The following CHRM1 variants were observed in gnomAD, a reference collection of about 807,000 sequenced individuals.
CHRM1 encodes cholinergic receptor muscarinic 1, also known as muscarinic acetylcholine receptor M1.
In CHRM1, 5 loss-of-function variants were observed where a neutral mutation model predicts 31.6. The ratio of observed to expected loss-of-function variants is 0.16; its 90% confidence interval spans 0.08 to 0.33. CHRM1 has a LOEUF of 0.33. CHRM1 is among the 10% of genes least tolerant of loss of function. The pLI, the probability that CHRM1 is intolerant of heterozygous loss-of-function variation, is 1.00. For missense variants in CHRM1, 338 were observed against 610.3 expected, an observed-to-expected ratio of 0.55 and a Z score of 4.70; for synonymous variants, 227 against 249.7, an observed-to-expected ratio of 0.91 and a Z score of 0.86.
chr11:62,921,371 C>G (rs1400664516), upstream of CHRM1: 1 of 152,234 alleles, frequency 6.6e-6, no homozygotes, highest in Non-Finnish European at 1.5e-5. Context: ...CATGTCCCAC[C>G]CCCTGGCACG....
Position 62,909,674 on chromosome 11 carries a change from C to G in CHRM1, c.*44G>C. 1 of 1,592,612 alleles carries G rather than the reference C, an allele frequency of 6.3e-7. No homozygotes were observed. Among genetic ancestry groups the G allele is most frequent in the Non-Finnish European group, 8.6e-7 (1 of 1,168,748 alleles). ...GCAGCCCCTGCCCTCTTCCCACCGG[C>G]CTTTCCCGGGGACTGGGGTGGAGGG... On this transcript the variant is annotated 3_prime_UTR_variant, in exon 2 of 2. Transcript: ENST00000306960.
chr11:62,917,967 T>C (rs2085909449), intron 1 of CHRM1: 1 of 152,160 alleles, frequency 6.6e-6, no homozygotes, highest in South Asian at 2.1e-4. Context: ...ACCTGAGGCT[T>C]CAAGACCTGA....
In CHRM1 at chr11:62,910,264, T is replaced by C. The variant is rs2135039739; in HGVS notation, c.837A>G (p.Glu279=). ...LQAYSWKEEE[E]EDEGSMESLT... is the part of the protein sequence containing the mutation. ...GGGACTCCATGGAGCCTTCGTCCTC[T>C]TCCTCTTCTTCCTTCCAGCTGTAGG... The change falls in exon 2 of 2, where the codon GAA becomes GAG. Residue 279 remains glutamate, a synonymous_variant. Coordinates refer to ENST00000306960, the MANE Select transcript of CHRM1 (RefSeq NM_000738.3). The surrounding 1 kb of genome is among the most constrained non-coding windows in gnomAD (Gnocchi z 8.7). 1.9e-6 allele frequency: 3 copies of C among 1,613,520 alleles called. No individual in the cohort carries two copies. Among genetic ancestry groups the C allele is most frequent in the Non-Finnish European group, 2.5e-6 (3 of 1,179,992 alleles).
Position 62,911,162 on chromosome 11 carries a change from C to A in CHRM1, c.-62G>T. On this transcript the variant is annotated 5_prime_UTR_variant, in exon 2 of 2. It removes the in-frame stop codon of an upstream open reading frame in the 5' UTR. Coordinates refer to ENST00000306960, the MANE Select transcript of CHRM1 (RefSeq NM_000738.3). ...CTCCAGGCACGCTACAGGGCTTCCT[C>A]AGGGGAAAGTCATCACCTGAAAAGA... 6.6e-7 allele frequency: 1 copy of A among 1,510,008 alleles called. No homozygotes were observed. Among genetic ancestry groups the A allele is most frequent in the Non-Finnish European group, 9.0e-7 (1 of 1,108,940 alleles). The allele number at this position is 1,510,008 out of a possible 1,614,324, so 93.5% of individuals were successfully genotyped here. A position where few individuals can be genotyped will look rare whatever the true frequency, so the allele number is the denominator to read the frequency against.
chr11:62,919,119 C>G (rs1230988886), intron 1 of CHRM1, among the ~76,000 whole-genome samples: 1 of 152,094 alleles, frequency 6.6e-6, no homozygotes, highest in East Asian at 1.9e-4. Context: ...TCACTGATCC[C>G]TTCTGCTAGG....
chr11:62,918,862 C>T (rs1351601318), intron 1 of CHRM1, among the ~76,000 whole-genome samples: 1 of 152,076 alleles, frequency 6.6e-6, no homozygotes, highest in African/African-American at 2.4e-5. Context: ...GAACACCAGG[C>T]TTTTCTGAAC....
At chr11:62,911,898 G>C (rs2085872895) in intron 1 of CHRM1, among the ~76,000 whole-genome samples, 1 of 152,226 alleles carries the variant, frequency 6.6e-6, no homozygotes, top group Non-Finnish European at 1.5e-5. Context: ...TAAACAGAGA[G>C]AGATGGGAAC....
rs760859058 is a variant in CHRM1, at chr11:62,910,311, G to GGCAGCAGCGACA, written c.778_789dup (p.Cys260_Cys263dup). ...TAGGCCTGCAGCAGCCTGGGGGCCC[G>GGCAGCAGCGACA]GCAGCAGCGACAGCAGCGGCCTGGA... is the stretch of plus-strand genomic sequence containing the variant. On this transcript the variant is annotated inframe_insertion, in exon 2 of 2. Coordinates refer to ENST00000306960, the MANE Select transcript of CHRM1 (RefSeq NM_000738.3). The surrounding 1 kb of genome is among the most constrained non-coding windows in gnomAD (Gnocchi z 8.7). The GGCAGCAGCGACA allele has an allele frequency of 1.2e-5, 20 of 1,611,194 alleles. No homozygotes were observed. In the East Asian group the frequency reaches 4.0e-4, roughly 32 times the overall value.
At chr11:62,916,604 C>T (rs1403431882) in intron 1 of CHRM1, among the ~76,000 whole-genome samples, 1 of 152,222 alleles carries the variant, frequency 6.6e-6, no homozygotes, top group African/African-American at 2.4e-5. Flanking sequence ...TGCTAACCAC[C>T]ATAATTAATG....
chr11:62,920,885 G>A (rs562989507), intron 1 of CHRM1: 1 of 152,108 alleles, frequency 6.6e-6, no homozygotes, highest in Non-Finnish European at 1.5e-5. Context: ...CTGCCCCTAG[G>A]GTGTTGGGGG....
At position 62,909,991 on chromosome 11, in the gene CHRM1, G is replaced by A. The variant is rs2085859567; in HGVS notation, c.1110C>T (p.Ile370=). 6.2e-7 allele frequency: 1 copy of A among 1,614,028 alleles called. No homozygotes were observed. Residue 370 remains isoleucine, a synonymous_variant, in exon 2 of 2, where the codon ATC becomes ATT. Coordinates refer to ENST00000306960, the MANE Select transcript of CHRM1 (RefSeq NM_000738.3). ...EKKAARTLSA[I]LLAFILTWTP... Reference sequence around the variant, plus strand: ...TCCAGGTGAGGATGAAGGCCAGGAGGATGGCACTCAGGGTCCGAGCCGCCT... The same window carrying A: ...TCCAGGTGAGGATGAAGGCCAGGAGAATGGCACTCAGGGTCCGAGCCGCCT...
intron 1 of CHRM1, among the ~76,000 whole-genome samples, chr11:62,912,367 C>CAAA (rs571661164): frequency 3.0e-5 from 2 of 67,250 alleles, no homozygotes; most frequent in East Asian, 3.8e-4. Flanking sequence ...GACTCCATCT[C>CAAA]AAAAAAAAAA....
intron 1 of CHRM1, among the ~76,000 whole-genome samples, chr11:62,912,681 A>T (rs2085878227): frequency 6.6e-6 from 1 of 152,142 alleles, no homozygotes; most frequent in African/African-American, 2.4e-5. Context: ...GTGAAGCCAG[A>T]TGGAAGGGTA....
chr11:62,916,667 C>A (rs1040772396), intron 1 of CHRM1, among the ~76,000 whole-genome samples: 2 of 152,220 alleles, frequency 1.3e-5, no homozygotes, highest in Non-Finnish European at 2.9e-5. Context: ...TCACAGGACA[C>A]CTCAGTGGAC....
rs2085866439 is a variant in CHRM1 at position 62,910,716 on chromosome 11, G to T, written c.385C>A (p.Arg129=). The change falls in exon 2 of 2, where the codon CGG becomes AGG. Residue 129 remains arginine (R), a synonymous_variant. Coordinates refer to ENST00000306960, the MANE Select transcript of CHRM1 (RefSeq NM_000738.3). The surrounding 1 kb of genome is among the most constrained non-coding windows in gnomAD (Gnocchi z 8.7). ...ISFDRYFSVT[R]PLSYRAKRTP... is the part of the protein sequence containing the mutation. ...CGCTTGGCACGGTAGCTCAGGGGCC[G>T]AGTCACGGAGAAGTAGCGGTCAAAG... 2.5e-6 allele frequency: 4 copies of T among 1,614,160 alleles called. No homozygotes were observed. In the East Asian group the frequency reaches 8.9e-5, roughly 36 times the overall value.
At position 62,916,707 on chromosome 11, in the gene CHRM1, T is replaced by C. The variant is rs564831714; in HGVS notation, c.-79+4511A>G. ...CATGGGGGGCTCTATCTTTATATTA[T>C]AGGTAAGGGCATTGAGGCTCAGGGT... On this transcript the variant is annotated intron_variant, in intron 1 of 1. Coordinates refer to ENST00000306960, the MANE Select transcript of CHRM1 (RefSeq NM_000738.3). Among the ~76,000 whole-genome samples the C allele has an allele frequency of 3.9e-5, 6 of 152,332 alleles. No individual in the cohort carries two copies. The South Asian group carries it at 1.0e-3, about 26-fold the overall frequency.
intron 1 of CHRM1, among the ~76,000 whole-genome samples, chr11:62,917,162 G>T (rs759544116): frequency 6.6e-6 from 1 of 152,216 alleles, no homozygotes; most frequent in African/African-American, 2.4e-5. Flanking sequence ...CCTGTCCAAG[G>T]TTCCTGTGGG....
At position 62,910,993 on chromosome 11, in the gene CHRM1, C is replaced by T. The variant is rs542128793; in HGVS notation, c.108G>A (p.Ser36=). ...AFIGITTGLL[S]LATVTGNLLV... Reference sequence around the variant, plus strand: ...GCAGGTTGCCTGTCACTGTGGCTAGCGACAGGAGGCCCGTGGTGATCCCAA... The same window carrying T: ...GCAGGTTGCCTGTCACTGTGGCTAGTGACAGGAGGCCCGTGGTGATCCCAA... The change falls in exon 2 of 2, where the codon TCG becomes TCA. Residue 36 remains serine (S), a synonymous_variant. Transcript: ENST00000306960. This position sits in a 1 kb window ranked among gnomAD's most constrained non-coding sequence, Gnocchi z 8.7. 1.4e-5 allele frequency: 22 copies of T among 1,614,132 alleles called. No homozygotes were observed. In the African/African-American group the frequency reaches 1.9e-4, roughly 14 times the overall value.
At position 62,909,457 on chromosome 11, in the gene CHRM1, C is replaced by A. The variant is rs939876253; in HGVS notation, c.*261G>T. ...GAGTCCAAAGCCCGGATCCTCCTCC[C>A]GGGCCTTCTTCCTGGTGAAGAGCGC... On this transcript the variant is annotated 3_prime_UTR_variant, in exon 2 of 2. Coordinates refer to ENST00000306960, the MANE Select transcript of CHRM1 (RefSeq NM_000738.3). 7 of 516,058 alleles carry A rather than the reference C, an allele frequency of 1.4e-5. No homozygotes were observed. Among genetic ancestry groups the A allele is most frequent in the Non-Finnish European group, 2.4e-5 (7 of 290,792 alleles). The allele number at this position is 516,058 out of a possible 1,614,324, so 32.0% of individuals were successfully genotyped here.
Sources: gnomAD v4.1 joint callset for allele counts (sites outside exome capture counted in the v4.1 genomes callset) on GRCh38, gnomAD v4.1.1 for gene constraint, Gnocchi (gnomAD v3.1) non-coding constraint, MANE v1.5 for transcripts, NCBI Gene and HGNC (gene_info 2026-07-23, HGNC 2026-07-21) for gene names.